Variants in PTK2 observed in about 807,000 individuals in gnomAD.
PTK2 encodes the protein focal adhesion kinase 1.
Under a neutral mutation model 150.1 loss-of-function variants are expected in PTK2, and 45 were observed. That is an observed-to-expected ratio of 0.30 (90% CI 0.24 to 0.38). The LOEUF (loss-of-function observed/expected upper bound fraction) is 0.38. Ranked by LOEUF, PTK2 falls within the 10% of genes least tolerant of loss-of-function variation. The pLI, the probability that PTK2 is intolerant of heterozygous loss-of-function variation, is 1.00. For missense variants in PTK2, 919 were observed against 1,307.3 expected (o/e 0.70, Z 4.58); for synonymous variants, 432 against 449.2 (o/e 0.96, Z 0.48).
In PTK2 at chr8:140,660,912, TACGAG is replaced by T. The variant is rs554620051; in HGVS notation, c.2947-1239_2947-1235del. On this transcript the variant is annotated intron_variant, in intron 31 of 31. Transcript: ENST00000522684. ...TATCAATTATGGAGCACCTATTATG[TACGAG>T]ACACTTGGTGCTTGGATACAAGGAG... 8.5e-5 allele frequency among the ~76,000 whole-genome samples: 13 copies of T among 152,356 alleles called. No individual in the cohort carries two copies. In the East Asian group the frequency reaches 2.1e-3, roughly 25 times the overall value.
chr8:140,790,217 T>A (rs1243322442), intron 13 of PTK2, among the ~76,000 whole-genome samples: 1 of 152,338 alleles, frequency 6.6e-6, no homozygotes, highest in South Asian at 2.1e-4. Flanking sequence ...CTGATCTTTT[T>A]ATAAGAGAAA....
chr8:141,000,005 A>G (rs1187699968), intron 1 of PTK2, among the ~76,000 whole-genome samples: 1 of 142,974 alleles, frequency 7.0e-6, no homozygotes, highest in Non-Finnish European at 1.6e-5. Context: ...GACACTGTTG[A>G]AATGACTCGG....
At chr8:140,788,182 C>T (rs2100086118) in intron 14 of PTK2, among the ~76,000 whole-genome samples, 1 of 152,150 alleles carries the variant, frequency 6.6e-6, no homozygotes, top group African/African-American at 2.4e-5. Flanking sequence ...ATGCTGGCAA[C>T]CCCGAAGCTT....
intron 2 of PTK2, among the ~76,000 whole-genome samples, chr8:140,919,355 C>T (rs1349577097): frequency 6.6e-6 from 1 of 152,190 alleles, no homozygotes; most frequent in Non-Finnish European, 1.5e-5. Context: ...AAGTTGTTTC[C>T]ATCAATCACT....
chr8:140,826,510 T>C (rs903574492), intron 8 of PTK2, among the ~76,000 whole-genome samples: 1 of 152,302 alleles, frequency 6.6e-6, no homozygotes, highest in Non-Finnish European at 1.5e-5. Context: ...AAGAACCGTA[T>C]TTATGAGCCA....
intron 27 of PTK2, among the ~76,000 whole-genome samples, chr8:140,682,646 A>C (rs906737414): frequency 1.3e-4 from 20 of 151,972 alleles, no homozygotes; most frequent in African/African-American, 3.1e-4. Flanking sequence ...AAAAAAAAAA[A>C]AAACCGAAAT....
At chr8:140,879,721 A>C (rs2100148080) in intron 3 of PTK2, 84 bp from the exon 4 acceptor site, 6 of 1,129,714 alleles carry the variant, frequency 5.3e-6, no homozygotes, top group Admixed American at 6.3e-5. Flanking sequence ...AACAAAAACA[A>C]AACAAAAAAA....
chr8:140,920,273 G>A (rs1471408377), intron 2 of PTK2, among the ~76,000 whole-genome samples: 4 of 151,968 alleles, frequency 2.6e-5, no homozygotes, highest in Non-Finnish European at 5.9e-5. Context: ...CAATGAAAAT[G>A]CTATTATTTT....
At chr8:140,910,050 C>A (rs922694476) in intron 2 of PTK2, among the ~76,000 whole-genome samples, 9 of 152,026 alleles carry the variant, frequency 5.9e-5, no homozygotes, top group African/African-American at 2.2e-4. Context: ...GTATACAACT[C>A]CATTATGAAG....
chr8:140,674,890 T>TAAAAA (rs201910315), intron 28 of PTK2, among the ~76,000 whole-genome samples: 1 of 138,156 alleles, frequency 7.2e-6, no homozygotes, highest in Non-Finnish European at 1.6e-5. Flanking sequence ...CTAGTAAAAT[T>TAAAAA]AAAAAAAAAA....
At chr8:140,944,694 T>A (rs191656711) in intron 1 of PTK2, among the ~76,000 whole-genome samples, 1 of 152,148 alleles carries the variant, frequency 6.6e-6, no homozygotes, top group African/African-American at 2.4e-5. Flanking sequence ...CAAAACTGAG[T>A]AAAAAGTCAA....
At chr8:140,660,820 A>T (rs1405409796) in intron 31 of PTK2, among the ~76,000 whole-genome samples, 1 of 152,246 alleles carries the variant, frequency 6.6e-6, no homozygotes, top group Admixed American at 6.5e-5. Context: ...AATGCTTTGC[A>T]TGGGAGAGTC....
In PTK2 at chr8:140,792,643, G is replaced by A. The variant is rs1305729853; in HGVS notation, c.1124+711C>T. Among the ~76,000 whole-genome samples, 7 of 152,360 alleles carry A rather than the reference G, an allele frequency of 4.6e-5. No individual in the cohort carries two copies. In the East Asian group the frequency reaches 1.3e-3, roughly 29 times the overall value. ...GCAGTGAAGCAGATGGATCCATTTA[G>A]AACATGGAACTGGAGGAAATAGTAA... On this transcript the variant is annotated intron_variant, in intron 13 of 31. Coordinates refer to ENST00000522684, the Ensembl canonical transcript of PTK2.
At chr8:140,905,088 G>A (rs1440855470) in intron 2 of PTK2, among the ~76,000 whole-genome samples, 1 of 151,898 alleles carries the variant, frequency 6.6e-6, no homozygotes, top group Non-Finnish European at 1.5e-5. Context: ...GTCATGCTAG[G>A]GTGTCGATTT....
At chr8:140,873,048 T>C (rs1441960213) in intron 4 of PTK2, among the ~76,000 whole-genome samples, 1 of 152,218 alleles carries the variant, frequency 6.6e-6, no homozygotes, top group Non-Finnish European at 1.5e-5. Flanking sequence ...CCCAAGTGAC[T>C]TGTCACTGCT....
Position 140,979,752 on chromosome 8 carries a change from T to A in PTK2, c.-122+21373A>T, listed in dbSNP as rs372922082. On this transcript the variant is annotated intron_variant, in intron 1 of 31. Coordinates refer to ENST00000522684, the Ensembl canonical transcript of PTK2. ...GATGTTCTCGTGATACTAAGTTTCATGAGATCTGATGGTTTTATAAGGGGG... is the reference window on the plus strand; with the variant it reads ...GATGTTCTCGTGATACTAAGTTTCAAGAGATCTGATGGTTTTATAAGGGGG... Among the ~76,000 whole-genome samples the A allele has an allele frequency of 3.3e-5, 5 of 152,170 alleles. No individual in the cohort carries two copies. In the East Asian group the frequency reaches 9.6e-4, roughly 29 times the overall value.
chr8:140,734,883 T>C, intron 22 of PTK2: 1 of 433,766 alleles, frequency 2.3e-6, no homozygotes, highest in Non-Finnish European at 4.6e-6. Flanking sequence ...GTTAGGAGAA[T>C]TATAAGTAGG....
intron 2 of PTK2, among the ~76,000 whole-genome samples, chr8:140,907,160 C>T (rs893000963): frequency 6.6e-6 from 1 of 152,206 alleles, no homozygotes; most frequent in Non-Finnish European, 1.5e-5. Flanking sequence ...GACATTCCAA[C>T]ACATGCTTGC....
intron 8 of PTK2, among the ~76,000 whole-genome samples, chr8:140,819,683 A>G (rs151250361): frequency 1.4e-4 from 22 of 152,376 alleles, no homozygotes; most frequent in African/African-American, 4.8e-4. Flanking sequence ...AACAGTCAGC[A>G]TGGAGTACAG....
Sources: gnomAD v4.1 joint callset for allele counts (sites outside exome capture counted in the v4.1 genomes callset) on GRCh38, gnomAD v4.1.1 for gene constraint, MANE v1.5 for transcripts, NCBI Gene and HGNC (gene_info 2026-07-23, HGNC 2026-07-21) for gene names.